CLASP2: variants seen among roughly 807,000 people sequenced by gnomAD.
The protein encoded by CLASP2 is cytoplasmic linker associated protein 2, also known as CLIP-associating protein 2.
Under a neutral mutation model 194.4 loss-of-function variants are expected in CLASP2, and 47 were observed. That is an observed-to-expected ratio of 0.24 (90% confidence interval 0.19 to 0.31). CLASP2 has a LOEUF of 0.31. Among genes scored for constraint, CLASP2 ranks in the 10% least tolerant of loss-of-function variants. The pLI is 1.00. For synonymous variants in CLASP2, 619 were observed against 633.5 expected (o/e 0.98, Z 0.34); for missense variants, 1,445 against 1,823.6 (o/e 0.79, Z 3.78).
At chr3:33,630,606 T>C (rs2078920641) in intron 9 of CLASP2, among the ~76,000 whole-genome samples, 1 of 151,936 alleles carries the variant, frequency 6.6e-6, no homozygotes, top group African/African-American at 2.4e-5. Flanking sequence ...GAACGGACTC[T>C]TTAAAAATGG....
At chr3:33,617,678 T>C (rs1342031348) in intron 12 of CLASP2, among the ~76,000 whole-genome samples, 1 of 151,640 alleles carries the variant, frequency 6.6e-6, no homozygotes, top group African/African-American at 2.4e-5. Flanking sequence ...AGAATTAATA[T>C]CCTTGATATA....
At chr3:33,580,767 G>GC in intron 23 of CLASP2, among the ~76,000 whole-genome samples, 1 of 152,086 alleles carries the variant, frequency 6.6e-6, no homozygotes, top group South Asian at 2.1e-4. Context: ...TGTAAACCCA[G>GC]CACTTTGGGG....
At chr3:33,666,881 C>A (rs1036603051) in intron 6 of CLASP2, among the ~76,000 whole-genome samples, 2 of 152,116 alleles carry the variant, frequency 1.3e-5, no homozygotes, top group Non-Finnish European at 2.9e-5. Flanking sequence ...TATTGTCTAT[C>A]ATTTTTATTT....
At chr3:33,529,640 AGGGT>A (rs1479025064) in intron 34 of CLASP2, among the ~76,000 whole-genome samples, 1 of 152,204 alleles carries the variant, frequency 6.6e-6, no homozygotes, top group Non-Finnish European at 1.5e-5. Context: ...AGTCCTACAC[AGGGT>A]CAAGATCAAC....
intron 27 of CLASP2, 147 bp from the exon 28 acceptor site, chr3:33,561,118 C>CA: frequency 1.5e-6 from 1 of 686,932 alleles, no homozygotes; most frequent in East Asian, 2.7e-5. Flanking sequence ...TCTTGCTTTT[C>CA]ATTGGACTCT....
At chr3:33,619,790 T>C (rs1196303756) in intron 11 of CLASP2, 52 bp from the exon 12 acceptor site, 8 of 1,370,338 alleles carry the variant, frequency 5.8e-6, no homozygotes, top group Non-Finnish European at 7.8e-6. Flanking sequence ...TAAATATAGA[T>C]AGAACCATAT....
At chr3:33,711,768 G>A (rs1201698968) in intron 1 of CLASP2, among the ~76,000 whole-genome samples, 1 of 151,930 alleles carries the variant, frequency 6.6e-6, no homozygotes, top group African/African-American at 2.4e-5. Flanking sequence ...ACAAACATAT[G>A]AAAAAATGTT....
chr3:33,575,251 C>T (rs547260220), intron 24 of CLASP2, among the ~76,000 whole-genome samples: 27 of 152,038 alleles, frequency 1.8e-4, no homozygotes, highest in Non-Finnish European at 1.5e-5. Context: ...TTCAGCACAG[C>T]GAAATGGTTA....
chr3:33,654,224 T>C (rs767464315), intron 7 of CLASP2, among the ~76,000 whole-genome samples: 1 of 152,142 alleles, frequency 6.6e-6, no homozygotes, highest in Non-Finnish European at 1.5e-5. Flanking sequence ...ATCTACGGAA[T>C]CGTTTTATCA....
intron 34 of CLASP2, among the ~76,000 whole-genome samples, chr3:33,534,158 A>C (rs572452147): frequency 6.6e-6 from 1 of 152,338 alleles, no homozygotes; most frequent in East Asian, 1.9e-4. Flanking sequence ...TGTTGAGAGA[A>C]AGACTTTCAA....
At chr3:33,683,413 G>A (rs2090131945) in intron 6 of CLASP2, 1 of 152,200 alleles carries the variant, frequency 6.6e-6, no homozygotes, top group African/African-American at 2.4e-5. Context: ...TTCAAGACCA[G>A]CCTGGGCAAC....
intron 8 of CLASP2, among the ~76,000 whole-genome samples, chr3:33,640,437 T>C (rs2081066544): frequency 6.6e-6 from 1 of 152,136 alleles, no homozygotes; most frequent in Non-Finnish European, 1.5e-5. Context: ...TGGCAGCAAT[T>C]ACCTAATTAT....
rs72858344 is a variant in CLASP2, at chr3:33,655,777, G to T, written c.715+7668C>A. Among the ~76,000 whole-genome samples, 435 of 152,186 alleles carry T rather than the reference G, an allele frequency of 2.9e-3. 1 individual carries two copies. The highest frequency in any genetic ancestry group is 1.0e-2 in the African/African-American group (415 of 41,520). Reference sequence around the variant, plus strand: ...TACACACATACCAAGTTATATATTAGTTTGGTGTAGTCCCAGAAGGCTGGT... The same window carrying T: ...TACACACATACCAAGTTATATATTATTTTGGTGTAGTCCCAGAAGGCTGGT... On this transcript the variant is annotated intron_variant, in intron 7 of 38. Coordinates refer to ENST00000682230, the MANE Select transcript of CLASP2 (RefSeq NM_001365631.1).
chr3:33,712,740 A>G (rs764934447), intron 1 of CLASP2, among the ~76,000 whole-genome samples: 1 of 152,248 alleles, frequency 6.6e-6, no homozygotes, highest in Non-Finnish European at 1.5e-5. Flanking sequence ...AGGCGGGTGG[A>G]TCATCTGAGG....
rs372613466 is a variant in CLASP2, at chr3:33,602,923, G to A, written c.1924+29C>T. On this transcript the variant is annotated intron_variant, in intron 18 of 38. Coordinates refer to ENST00000682230, the MANE Select transcript of CLASP2 (RefSeq NM_001365631.1). ...TCACAGAGATCAGGGAGAGAACATG[G>A]TACAATTTTCCATAATCAGTTCTCT... The A allele has an allele frequency of 5.7e-5, 91 of 1,588,652 alleles. No homozygotes were observed. The African/African-American group carries it at 1.2e-3, about 21-fold the overall frequency.
intron 7 of CLASP2, chr3:33,659,467 T>C (rs1010739593): frequency 3.2e-6 from 3 of 938,628 alleles, no homozygotes; most frequent in Non-Finnish European, 3.8e-6. Flanking sequence ...ATTAACTGAT[T>C]TGCGCCTTTT....
Position 33,718,187 on chromosome 3 carries a change from A to C in CLASP2, c.-185T>G. On this transcript the variant is annotated 5_prime_UTR_variant, in exon 1 of 39. Coordinates refer to ENST00000682230, the MANE Select transcript of CLASP2 (RefSeq NM_001365631.1). ...CGCCCAGCCGCCCCCAAACTAGTCA[A>C]ACTCGGCGCCCCCCGATCCCCAGCC... 1 of 428,648 alleles carries C rather than the reference A, an allele frequency of 2.3e-6. No homozygotes were observed. The highest frequency in any genetic ancestry group is 4.0e-6 in the Non-Finnish European group (1 of 249,774). 26.6% of individuals were successfully genotyped at this position (428,648 alleles called of 1,614,324 possible).
chr3:33,607,288 G>A, intron 15 of CLASP2, 96 bp downstream of exon 15: 1 of 807,786 alleles, frequency 1.2e-6, no homozygotes, highest in Non-Finnish European at 1.8e-6. Flanking sequence ...GGCTAGTCAA[G>A]TAAAATACTT....
intron 36 of CLASP2, 93 bp from the exon 37 acceptor site, chr3:33,510,857 A>G: frequency 8.7e-7 from 1 of 1,148,718 alleles, no homozygotes; most frequent in Non-Finnish European, 1.2e-6. Flanking sequence ...TCAATATAAT[A>G]TATGGAATTT....
Sources: gnomAD v4.1 joint callset for allele counts (sites outside exome capture counted in the v4.1 genomes callset) on GRCh38, gnomAD v4.1.1 for gene constraint, MANE v1.5 for transcripts, NCBI Gene and HGNC (gene_info 2026-07-23, HGNC 2026-07-21) for gene names.